The following SKIDA1 variants were observed in gnomAD, a reference collection of about 807,000 sequenced individuals.
SKIDA1 encodes the protein SKI/DACH domain-containing protein 1.
SKIDA1 carries 18 observed loss-of-function variants against 51.4 expected under a neutral mutation model. The observed-to-expected ratio is 0.35, with a 90% confidence interval of 0.24 to 0.52. The LOEUF (loss-of-function observed/expected upper bound fraction) is 0.52, where lower values mean the gene tolerates loss of function less well. SKIDA1 is among the 20% of genes least tolerant of loss of function. The pLI, the probability that SKIDA1 is intolerant of heterozygous loss-of-function variation, is 0.95. For missense variants in SKIDA1, 1,104 were observed against 1,180.6 expected (o/e 0.94, Z 0.95); for synonymous variants, 579 against 500.5 (o/e 1.16, Z -2.09).
chr10:21,517,520 G>C lies in SKIDA1; in HGVS notation c.303C>G (p.Leu101=). The C allele has an allele frequency of 6.3e-7, 1 of 1,575,408 alleles. No individual in the cohort carries two copies. The highest frequency in any genetic ancestry group is 8.6e-7 in the Non-Finnish European group (1 of 1,160,314). The change falls in exon 4 of 4, where the codon CTC becomes CTG. Residue 101 remains leucine, a synonymous_variant. Transcript: ENST00000449193. This position sits in a 1 kb window ranked among gnomAD's most constrained non-coding sequence, Gnocchi z 6.9. ...LYTSCKTERV[L]KTKRRRVGRA... ...GGCCGACCCGCCTGCGCTTGGTCTT[G>C]AGGACGCGCTCGGTTTTGCAGGAGG... is the stretch of plus-strand genomic sequence containing the variant.
At position 21,517,328 on chromosome 10, in the gene SKIDA1, G is replaced by A. The variant is rs1193087624; in HGVS notation, c.495C>T (p.Pro165=). 2.1e-6 allele frequency: 3 copies of A among 1,430,648 alleles called. No homozygotes were observed. Among genetic ancestry groups the A allele is most frequent in the Non-Finnish European group, 2.8e-6 (3 of 1,089,716 alleles). 88.6% of individuals were successfully genotyped at this position (1,430,648 alleles called of 1,614,324 possible). Residue 165 remains proline (P), a synonymous_variant, in exon 4 of 4, where the codon CCC becomes CCT. Transcript: ENST00000449193. This position sits in a 1 kb window ranked among gnomAD's most constrained non-coding sequence, Gnocchi z 6.9. ...SQRPGAAAAR[P]AAHLPQIFSK... ...TAAAAATCTGAGGTAGATGGGCGGC[G>A]GGGCGCGCGGCGGCGGCGCCCGGGC...
chr10:21,514,384 A>G lies in SKIDA1; in HGVS notation c.*712T>C, dbSNP rs1380978752. ...TTGCAAAGGAGTGGCTTTAAAAGTA[A>G]AATCACACCCTTTACAAAAAAAATA... On this transcript the variant is annotated 3_prime_UTR_variant, in exon 4 of 4. Coordinates refer to ENST00000449193, the MANE Select transcript of SKIDA1 (RefSeq NM_207371.4). The G allele has an allele frequency of 6.6e-6, 1 of 152,146 alleles. No individual in the cohort carries two copies. Among genetic ancestry groups the G allele is most frequent in the Admixed American group, 6.6e-5 (1 of 15,258 alleles). 9.4% of individuals were successfully genotyped at this position (152,146 alleles called of 1,614,324 possible).
chr10:21,520,013 C>A (rs969822529), intron 3 of SKIDA1, among the ~76,000 whole-genome samples: 3 of 152,248 alleles, frequency 2.0e-5, no homozygotes, highest in African/African-American at 7.2e-5. Context: ...CAGATGTAAT[C>A]GCCGCTCTTC....
chr10:21,523,496 C>T (rs1051229756), intron 2 of SKIDA1, among the ~76,000 whole-genome samples, 187 bp downstream of exon 2: 2 of 152,246 alleles, frequency 1.3e-5, no homozygotes, highest in East Asian at 3.9e-4. Context: ...GACACATGGG[C>T]CTTTCACAAT....
At chr10:21,523,561 T>C (rs2032501836) in intron 2 of SKIDA1, 122 bp downstream of exon 2, 1 of 152,196 alleles carries the variant, frequency 6.6e-6, no homozygotes, top group Non-Finnish European at 1.5e-5. Context: ...GACCTTCAGA[T>C]ATTAAATAAT....
chr10:21,520,929 TTA>T (rs1438035312), intron 3 of SKIDA1, among the ~76,000 whole-genome samples: 1 of 152,144 alleles, frequency 6.6e-6, no homozygotes, highest in Non-Finnish European at 1.5e-5. Flanking sequence ...ACCTTTACAC[TTA>T]TACATTTTTA....
chr10:21,515,381 C>T lies in SKIDA1; in HGVS notation c.2442G>A (p.Glu814=), dbSNP rs141939927. ...AATCATCCAGTGTTCCTTCATTTGTCTCAGTTTTACCTGTAGGACGAGGGC... is the reference window on the plus strand; with the variant it reads ...AATCATCCAGTGTTCCTTCATTTGTTTCAGTTTTACCTGTAGGACGAGGGC... ...ARSPRPTGKT[E]TNEGTLDDFT... Residue 814 remains glutamate (E), a synonymous_variant, in exon 4 of 4, where the codon GAG becomes GAA. Transcript: ENST00000449193. 230 of 1,613,974 alleles carry T rather than the reference C, an allele frequency of 1.4e-4. No individual in the cohort carries two copies. Among genetic ancestry groups the T allele is most frequent in the Middle Eastern group, 1.3e-3 (8 of 6,062 alleles).
chr10:21,515,821 C>G lies in SKIDA1; in HGVS notation c.2002G>C (p.Glu668Gln), dbSNP rs768675440. ...TCGCCTGTGTCAGTGCAGGGATTCTCGGCTTTAGTTGCTGCTGCTCCTGCA... is the reference window on the plus strand; with the variant it reads ...TCGCCTGTGTCAGTGCAGGGATTCTGGGCTTTAGTTGCTGCTGCTCCTGCA... ...NAAGAAATKA[E>Q]NPCTDTGDKT... Residue 668 changes from glutamate (E) to glutamine (Q), a missense_variant, in exon 4 of 4, where the codon GAG becomes CAG. By Grantham distance (29) the Glu-to-Gln change is conservative. Around this residue, in one of 3 missense-constraint regions of SKIDA1, gnomAD observed 938 missense variants for 886.4 expected, o/e 1.06. Transcript: ENST00000449193. 2.5e-6 allele frequency: 4 copies of G among 1,613,822 alleles called. No individual in the cohort carries two copies. The African/African-American group carries it at 5.3e-5, about 22-fold the overall frequency.
rs754780599 is a variant in SKIDA1, at chr10:21,515,202, T to C, written c.2621A>G (p.Lys874Arg). The change falls in exon 4 of 4, where the codon AAG becomes AGG. Residue 874 changes from lysine (K) to arginine (R), a missense_variant. Transcript: ENST00000449193. ...GGCCTTGTGAGGAGTTTGAGAATCC[T>C]TAGTGGTGTTTAAGGAATACGCCGG... Reference protein sequence around the residue: ...LWPAYSLNTTKDSQTPHKAHP... With the variant: ...LWPAYSLNTTRDSQTPHKAHP... The C allele has an allele frequency of 6.2e-7, 1 of 1,613,888 alleles. No individual in the cohort carries two copies. The highest frequency in any genetic ancestry group is 8.5e-7 in the Non-Finnish European group (1 of 1,179,846).
Position 21,515,510 on chromosome 10 carries a change from A to T in SKIDA1, c.2313T>A (p.Tyr771Ter). 6.2e-7 allele frequency: 1 copy of T among 1,614,058 alleles called. No individual in the cohort carries two copies. The highest frequency in any genetic ancestry group is 8.5e-7 in the Non-Finnish European group (1 of 1,179,904). The change falls in exon 4 of 4, where the codon TAT becomes TAA. Residue 771 changes from tyrosine to a stop codon, truncating the protein, a stop_gained. Transcript: ENST00000449193. LOFTEE classifies it high-confidence loss of function. ...TTTTTCTCACCCTGGCACCAAATTT[A>T]TATTCCCCATCCTCAGGTTTTGGAG... ...LGSPKPEDGE[Y>*]KFGARVRKNY...
Position 21,517,249 on chromosome 10 carries a change from G to C in SKIDA1, c.574C>G (p.Pro192Ala). 3 of 1,474,776 alleles carry C rather than the reference G, an allele frequency of 2.0e-6. No homozygotes were observed. Among genetic ancestry groups the C allele is most frequent in the Non-Finnish European group, 2.7e-6 (3 of 1,110,096 alleles). 91.4% of individuals were successfully genotyped at this position (1,474,776 alleles called of 1,614,324 possible). The stretch of plus-strand genomic sequence containing the variant: ...AGCGGGGCAGTTTCATAGTTTAGAG[G>C]GGGTTTGCACGGCGAGCGCACGATC... ...PEIVRSPCKP[P>A]LNYETAPLQG... Residue 192 changes from proline (P) to alanine (A), a missense_variant, in exon 4 of 4, where the codon CCT becomes GCT. Physicochemically the swap from Pro to Ala is conservative, Grantham distance 27 (BLOSUM62 -1). Transcript: ENST00000449193. This position sits in a 1 kb window ranked among gnomAD's most constrained non-coding sequence, Gnocchi z 6.9.
chr10:21,516,956 C>G lies in SKIDA1; in HGVS notation c.867G>C (p.Ala289=), dbSNP rs1355562334. 87 of 1,145,766 alleles carry G rather than the reference C, an allele frequency of 7.6e-5. No individual in the cohort carries two copies. In the Middle Eastern group the frequency reaches 1.5e-3, roughly 19 times the overall value. 71.0% of individuals were successfully genotyped at this position (1,145,766 alleles called of 1,614,324 possible). Residue 289 remains alanine (A), a synonymous_variant, in exon 4 of 4, where the codon GCG becomes GCC. Coordinates refer to ENST00000449193, the MANE Select transcript of SKIDA1 (RefSeq NM_207371.4). The surrounding 1 kb of genome is among the most constrained non-coding windows in gnomAD (Gnocchi z 5.7). ...ACCTGGGCAACAGCAGCAGGCGCCG[C>G]GCGCCGGCGTGAGGCGCGAGCAGGC... is the stretch of plus-strand genomic sequence containing the variant. ...KDCLLAPHAG[A]RRLLLLPRSY... is the part of the protein sequence containing the mutation.
rs190127078 is a variant in SKIDA1, at chr10:21,518,163, C to T, written c.-341G>A. The T allele has an allele frequency of 4.5e-6, 1 of 220,862 alleles. No individual in the cohort carries two copies. Among genetic ancestry groups the T allele is most frequent in the Admixed American group, 5.9e-5 (1 of 17,080 alleles). The allele number at this position is 220,862 out of a possible 1,614,324, so 13.7% of individuals were successfully genotyped here. A position where few individuals can be genotyped will look rare whatever the true frequency, so the allele number is the denominator to read the frequency against. ...GATCAGTACCTGGGCCCCTCTATTC[C>T]TTCCTTCTCCATTGGAGCACTATGA... On this transcript the variant is annotated 5_prime_UTR_variant, in exon 4 of 4. Coordinates refer to ENST00000449193, the MANE Select transcript of SKIDA1 (RefSeq NM_207371.4).
At chr10:21,524,641 C>A (rs1322198625) in intron 1 of SKIDA1, 2 of 132,162 alleles carry the variant, frequency 1.5e-5, no homozygotes, top group African/African-American at 5.3e-5. Context: ...GCAACTTAAT[C>A]CTACGCTAAA....
In SKIDA1 at chr10:21,517,622, G is replaced by C; in HGVS notation, c.201C>G (p.Leu67=). 6.2e-7 allele frequency: 1 copy of C among 1,613,944 alleles called. No individual in the cohort carries two copies. The highest frequency in any genetic ancestry group is 8.5e-7 in the Non-Finnish European group (1 of 1,179,842). The change falls in exon 4 of 4, where the codon CTC becomes CTG. Residue 67 remains leucine (L), a synonymous_variant. Transcript: ENST00000449193. The surrounding 1 kb of genome is among the most constrained non-coding windows in gnomAD (Gnocchi z 6.9). Reference sequence around the variant, plus strand: ...GGAAGGCGATGCTGTTAATTGCCTTGAGTTTCCGCAACTCCTCCAGATCGC... The same window carrying C: ...GGAAGGCGATGCTGTTAATTGCCTTCAGTTTCCGCAACTCCTCCAGATCGC... ...HHCDLEELRK[L]KAINSIAFHA...
rs1418014194 is a variant in SKIDA1, at chr10:21,516,310, G to A, written c.1513C>T (p.Leu505Phe). The A allele has an allele frequency of 6.2e-7, 1 of 1,613,786 alleles. No individual in the cohort carries two copies. Among genetic ancestry groups the A allele is most frequent in the Admixed American group, 1.7e-5 (1 of 60,036 alleles). ...TTGACACTACTCTTGAGGTCGGGAA[G>A]TCTGCCGGCATCCTCGAAAGCAGCG... ...KPAAFEDAGRLPDLKSSVKAE... is the reference protein window; with the variant it reads ...KPAAFEDAGRFPDLKSSVKAE... Residue 505 changes from leucine to phenylalanine, a missense_variant, in exon 4 of 4, where the codon CTT becomes TTT. Leu to Phe is a conservative substitution (Grantham distance 22). Transcript: ENST00000449193. This position sits in a 1 kb window ranked among gnomAD's most constrained non-coding sequence, Gnocchi z 5.7.
chr10:21,515,270 A>G lies in SKIDA1; in HGVS notation c.2553T>C (p.Pro851=), dbSNP rs762137103. Residue 851 remains proline (P), a synonymous_variant, in exon 4 of 4, where the codon CCT becomes CCC. Coordinates refer to ENST00000449193, the MANE Select transcript of SKIDA1 (RefSeq NM_207371.4). ...KRPFHFMANF[P]CPPSLIIGRD... is the part of the protein sequence containing the mutation. ...TCCCAATAATGAGTGATGGTGGACA[A>G]GGAAAATTTGCCATGAAATGAAATG... is the stretch of plus-strand genomic sequence containing the variant. The G allele has an allele frequency of 1.9e-6, 3 of 1,614,050 alleles. No individual in the cohort carries two copies. The East Asian group carries it at 6.7e-5, about 36-fold the overall frequency.
Position 21,516,897 on chromosome 10 carries a change from G to GAAAATAAGCAGGGTCCGAGGGGAAGGCGA in SKIDA1, c.925_926insTCGCCTTCCCCTCGGACCCTGCTTATTTT (p.Ala309ValfsTer247). On this transcript the variant is annotated frameshift_variant, in exon 4 of 4. Coordinates refer to ENST00000449193, the MANE Select transcript of SKIDA1 (RefSeq NM_207371.4). LOFTEE classifies it high-confidence loss of function. This position sits in a 1 kb window ranked among gnomAD's most constrained non-coding sequence, Gnocchi z 5.7. The stretch of plus-strand genomic sequence containing the variant: ...GGCGGCCGCCGCCGCCGCTGCCGCC[G>GAAAATAAGCAGGGTCCGAGGGGAAGGCGA]CCGCCGCCGCCGCCGCCGCCTTGGC... 1 of 1,176,400 alleles carries GAAAATAAGCAGGGTCCGAGGGGAAGGCGA rather than the reference G, an allele frequency of 8.5e-7. No individual in the cohort carries two copies. The highest frequency in any genetic ancestry group is 1.0e-6 in the Non-Finnish European group (1 of 957,382). 72.9% of individuals were successfully genotyped at this position (1,176,400 alleles called of 1,614,324 possible).
rs750402037 is a variant in SKIDA1, at chr10:21,516,355, C to T, written c.1468G>A (p.Ala490Thr). 3 of 1,613,324 alleles carry T rather than the reference C, an allele frequency of 1.9e-6. No individual in the cohort carries two copies. The highest frequency in any genetic ancestry group is 2.2e-5 in the East Asian group (1 of 44,876). ...GCAGCGGGTTTGGTTGCAGCGGCGG[C>T]GGAGGCCAGATGGTACAAGAAGTTG... is the stretch of plus-strand genomic sequence containing the variant. ...QANFLYHLASAAAATKPAAFE... is the reference protein window; with the variant it reads ...QANFLYHLASTAAATKPAAFE... Residue 490 changes from alanine (A) to threonine (T), a missense_variant, in exon 4 of 4, where the codon GCC becomes ACC. Around this residue, in one of 3 missense-constraint regions of SKIDA1, gnomAD observed 938 missense variants for 886.4 expected, o/e 1.06. Transcript: ENST00000449193. The surrounding 1 kb of genome is among the most constrained non-coding windows in gnomAD (Gnocchi z 5.7).
Sources: gnomAD v4.1 joint callset for allele counts (sites outside exome capture counted in the v4.1 genomes callset) on GRCh38, gnomAD v4.1.1 for gene constraint, gnomAD v4.1.1 regional missense constraint, Gnocchi (gnomAD v3.1) non-coding constraint, MANE v1.5 for transcripts, NCBI Gene and HGNC (gene_info 2026-07-23, HGNC 2026-07-21) for gene names.